The following CHST9 variants were observed in gnomAD, a reference collection of about 807,000 sequenced individuals.
CHST9 encodes carbohydrate sulfotransferase 9.
A neutral mutation model predicts 44.4 loss-of-function variants in CHST9; 41 were observed. The observed-to-expected ratio is 0.92, with a 90% CI of 0.72 to 1.20. The LOEUF is 1.20. CHST9 is among the 50% of genes most tolerant of loss of function. CHST9 has a pLI of 0.00. For synonymous variants in CHST9, 171 were observed against 178.4 expected (o/e 0.96, Z 0.33); for missense variants, 504 against 516.5 (o/e 0.98, Z 0.23).
At chr18:26,975,693 A>G (rs1023557525) in intron 4 of CHST9, among the ~76,000 whole-genome samples, 6 of 128,828 alleles carry the variant, frequency 4.7e-5, no homozygotes, top group African/African-American at 1.7e-4. Flanking sequence ...ATGTGTGTGT[A>G]TATATATGTG....
In CHST9 at chr18:26,922,498, T is replaced by C. The variant is rs2055676621; in HGVS notation, c.241-5148A>G. On this transcript the variant is annotated intron_variant, in intron 5 of 5. Transcript: ENST00000618847. ...GTTTTCCATAAATATCCTTAAAGAG[T>C]AGATATTGCAGAGTTAGCTGAAAGA... 2.6e-5 allele frequency among the ~76,000 whole-genome samples: 4 copies of C among 152,082 alleles called. No homozygotes were observed. In the South Asian group the frequency reaches 8.3e-4, roughly 32 times the overall value.
chr18:26,993,717 A>G (rs1039311497), intron 4 of CHST9, among the ~76,000 whole-genome samples: 46 of 152,352 alleles, frequency 3.0e-4, no homozygotes, highest in African/African-American at 1.1e-3. Context: ...AGGAAAGTAA[A>G]AGCAAAACAG....
chr18:27,052,421 T>C (rs2057579555), intron 2 of CHST9, among the ~76,000 whole-genome samples: 1 of 152,092 alleles, frequency 6.6e-6, no homozygotes, highest in Non-Finnish European at 1.5e-5. Flanking sequence ...ACTATATTGA[T>C]CCATGGACAC....
At chr18:26,917,810 T>C (rs575685435) in intron 5 of CHST9, among the ~76,000 whole-genome samples, 44 of 152,304 alleles carry the variant, frequency 2.9e-4, no homozygotes, top group Non-Finnish European at 3.1e-4. Context: ...ACTTAAAATT[T>C]TGGCAAGGCT....
chr18:27,042,792 T>C (rs1438695377), intron 3 of CHST9, among the ~76,000 whole-genome samples: 1 of 151,484 alleles, frequency 6.6e-6, no homozygotes, highest in African/African-American at 2.4e-5. Flanking sequence ...TCTCTCTCCC[T>C]CCCTCCCTCT....
intron 5 of CHST9, among the ~76,000 whole-genome samples, chr18:26,942,686 C>T (rs2056101767): frequency 6.6e-6 from 1 of 152,068 alleles, no homozygotes; most frequent in African/African-American, 2.4e-5. Flanking sequence ...GAAAACAGGG[C>T]TTTTTATAAG....
intron 2 of CHST9, among the ~76,000 whole-genome samples, chr18:27,063,212 A>G (rs534443944): frequency 6.6e-6 from 1 of 152,336 alleles, no homozygotes; most frequent in South Asian, 2.1e-4. Context: ...CCCAGTAAAC[A>G]TTAGATTCTG....
In CHST9 at chr18:27,092,356, A is replaced by T. The variant is rs150815623; in HGVS notation, c.122-43853T>A. ...TGTTTTTTTCTTTATCAGTCTTGCTAGTGGTCTACCAATTTTGTTGATCTT... is the reference window on the plus strand; with the variant it reads ...TGTTTTTTTCTTTATCAGTCTTGCTTGTGGTCTACCAATTTTGTTGATCTT... On this transcript the variant is annotated intron_variant, in intron 2 of 5. Transcript: ENST00000618847. Among the ~76,000 whole-genome samples, 903 of 151,902 alleles carry T rather than the reference A, an allele frequency of 5.9e-3. 14 individuals carry two copies. The highest frequency in any genetic ancestry group is 0.017 in the Middle Eastern group (5 of 292).
intron 4 of CHST9, among the ~76,000 whole-genome samples, chr18:27,016,326 C>T (rs531294799): frequency 1.1e-4 from 16 of 152,308 alleles, no homozygotes; most frequent in African/African-American, 3.6e-4. Flanking sequence ...GCCTAGAACA[C>T]GTGGCTTTTA....
At chr18:27,093,375 C>T (rs993587045) in intron 2 of CHST9, among the ~76,000 whole-genome samples, 2 of 152,214 alleles carry the variant, frequency 1.3e-5, no homozygotes, top group African/African-American at 4.8e-5. Flanking sequence ...AGGCAGTAGG[C>T]CTTGTTGAGC....
At chr18:27,038,718 T>G (rs2057415139) in intron 3 of CHST9, among the ~76,000 whole-genome samples, 1 of 152,192 alleles carries the variant, frequency 6.6e-6, no homozygotes, top group South Asian at 2.1e-4. Context: ...GTTTTTTTCA[T>G]TAACCATAAC....
At position 27,116,277 on chromosome 18, in the gene CHST9, A is replaced by G. The variant is rs142870162; in HGVS notation, c.121+26412T>C. ...TTAGGCTCTTACATTTAGGTCTTTG[A>G]TTAATTTTGAGGTTTTTATCTATGT... On this transcript the variant is annotated intron_variant, in intron 2 of 5. Coordinates refer to ENST00000618847, the MANE Select transcript of CHST9 (RefSeq NM_031422.6). Among the ~76,000 whole-genome samples, 1,046 of 152,212 alleles carry G rather than the reference A, an allele frequency of 6.9e-3. 6 individuals carry two copies. Among genetic ancestry groups the G allele is most frequent in the Non-Finnish European group, 0.011 (755 of 68,000 alleles).
chr18:26,956,719 A>C (rs375150583), intron 4 of CHST9, among the ~76,000 whole-genome samples: 4 of 152,178 alleles, frequency 2.6e-5, no homozygotes, highest in African/African-American at 9.6e-5. Flanking sequence ...ATTTAGGGGG[A>C]TATGTTTTAA....
intron 2 of CHST9, among the ~76,000 whole-genome samples, chr18:27,054,112 CAAATGCTCCAACTCACTCTG>C (rs2057622435): frequency 6.6e-6 from 1 of 152,180 alleles, no homozygotes; most frequent in Admixed American, 6.5e-5. Context: ...GCCTTAAACA[CAAATGCTCCAACTCACTCTG>C]AAATGCTGGA....
At chr18:27,086,726 T>A (rs1345271279) in intron 2 of CHST9, among the ~76,000 whole-genome samples, 1 of 152,160 alleles carries the variant, frequency 6.6e-6, no homozygotes, top group Non-Finnish European at 1.5e-5. Flanking sequence ...CACATACACA[T>A]AAAATAATTT....
At chr18:27,002,457 A>C (rs992857183) in intron 4 of CHST9, among the ~76,000 whole-genome samples, 8 of 152,152 alleles carry the variant, frequency 5.3e-5, no homozygotes, top group African/African-American at 1.9e-4. Flanking sequence ...AGTGGTGCAA[A>C]AGCTATATCC....
At chr18:27,136,057 T>C (rs753464158) in intron 2 of CHST9, among the ~76,000 whole-genome samples, 47 of 152,178 alleles carry the variant, frequency 3.1e-4, no homozygotes, top group Non-Finnish European at 5.3e-4. Flanking sequence ...TCATCCCAGA[T>C]CTAGTAAATC....
intron 1 of CHST9, among the ~76,000 whole-genome samples, chr18:27,176,988 C>T (rs1332984900): frequency 6.6e-6 from 1 of 151,998 alleles, no homozygotes; most frequent in Non-Finnish European, 1.5e-5. Flanking sequence ...AATTATTTAA[C>T]AATCAGCACA....
chr18:27,123,152 T>C (rs146389611), intron 2 of CHST9, among the ~76,000 whole-genome samples: 4 of 152,322 alleles, frequency 2.6e-5, no homozygotes, highest in Non-Finnish European at 5.9e-5. Flanking sequence ...CTATCAGTGC[T>C]GAGTATGTCT....
Sources: gnomAD v4.1 joint callset for allele counts (sites outside exome capture counted in the v4.1 genomes callset) on GRCh38, gnomAD v4.1.1 for gene constraint, MANE v1.5 for transcripts, NCBI Gene and HGNC (gene_info 2026-07-23, HGNC 2026-07-21) for gene names.